Variants in ARIH1 observed in about 807,000 individuals in gnomAD.
ARIH1 encodes ariadne RBR E3 ubiquitin protein ligase 1, also known as E3 ubiquitin-protein ligase ARIH1.
ARIH1 carries 8 observed loss-of-function variants against 85.0 expected under a neutral mutation model. That is an observed-to-expected ratio of 0.09 (90% CI 0.06 to 0.17). The LOEUF (loss-of-function observed/expected upper bound fraction) is 0.17, where lower values mean the gene tolerates loss of function less well. Among genes scored for constraint, ARIH1 ranks in the 10% least tolerant of loss-of-function variants. The probability of loss-of-function intolerance (pLI) is 1.00; values close to 1 mark genes in which losing one functional copy is unlikely to be tolerated. For synonymous variants in ARIH1, 238 were observed against 253.6 expected, an observed-to-expected ratio of 0.94 and a Z score of 0.59; for missense variants, 311 against 718.1, an observed-to-expected ratio of 0.43 and a Z score of 6.48.
At chr15:72,498,282 C>T (rs1284214760) in intron 1 of ARIH1, among the ~76,000 whole-genome samples, 1 of 152,108 alleles carries the variant, frequency 6.6e-6, no homozygotes, top group Non-Finnish European at 1.5e-5. Context: ...TTTGTGCTTT[C>T]TCACTTCTGC....
intron 2 of ARIH1, among the ~76,000 whole-genome samples, chr15:72,532,842 A>C (rs2064063722): frequency 6.6e-6 from 1 of 152,266 alleles, no homozygotes; most frequent in Non-Finnish European, 1.5e-5. Context: ...AATTGATGAG[A>C]AAAACATTTC....
chr15:72,554,793 G>C (rs777661535), intron 3 of ARIH1, among the ~76,000 whole-genome samples: 2 of 152,030 alleles, frequency 1.3e-5, no homozygotes, highest in Admixed American at 1.3e-4. Context: ...TCACTCCTTT[G>C]CCCAGGCTGG....
chr15:72,567,684 C>T (rs2064227077), intron 9 of ARIH1, among the ~76,000 whole-genome samples: 1 of 152,160 alleles, frequency 6.6e-6, no homozygotes, highest in South Asian at 2.1e-4. Context: ...CCCTTCTCCT[C>T]GATCACTAAT....
intron 7 of ARIH1, among the ~76,000 whole-genome samples, chr15:72,564,092 A>G (rs2064208841): frequency 6.6e-6 from 1 of 152,200 alleles, no homozygotes; most frequent in African/African-American, 2.4e-5. Context: ...GGATAGGCTG[A>G]AAATTTTTCA....
chr15:72,571,324 A>G (rs980952766), intron 10 of ARIH1, among the ~76,000 whole-genome samples: 3 of 152,156 alleles, frequency 2.0e-5, no homozygotes. Context: ...GAAGAAAATA[A>G]TGCATATTTC....
At chr15:72,542,753 A>G (rs548118578) in intron 2 of ARIH1, among the ~76,000 whole-genome samples, 32 of 152,292 alleles carry the variant, frequency 2.1e-4, no homozygotes, top group Admixed American at 5.2e-4. Context: ...TGTTAACCAA[A>G]GTATGAGAGT....
chr15:72,498,961 ATTTTTTTTTTTTTTTTTTTTTT>A (rs535261674), intron 1 of ARIH1, among the ~76,000 whole-genome samples: 1 of 88,452 alleles, frequency 1.1e-5, no homozygotes, highest in African/African-American at 4.7e-5. Flanking sequence ...CTTTTCATAA[ATTTTTTTTTTTTTTTTTTTTTT>A]TTTTTTTTTT....
chr15:72,587,640 C>T lies in ARIH1; in HGVS notation c.*4348C>T, dbSNP rs1240305900. On this transcript the variant is annotated 3_prime_UTR_variant, in exon 14 of 14. Transcript: ENST00000379887. ...TGAGTTTTATGAGAAAATTTTGGCT[C>T]CTTCAGAAACAGGAAGATAAGTGGG... 1 of 153,660 alleles carries T rather than the reference C, an allele frequency of 6.5e-6. No individual in the cohort carries two copies. The highest frequency in any genetic ancestry group is 1.4e-5 in the Non-Finnish European group (1 of 69,154). 9.5% of individuals were successfully genotyped at this position (153,660 alleles called of 1,614,324 possible). A position where few individuals can be genotyped will look rare whatever the true frequency, so the allele number is the denominator to read the frequency against.
intron 2 of ARIH1, 52 bp from the exon 3 acceptor site, chr15:72,544,768 C>G (rs1460584919): frequency 6.5e-7 from 1 of 1,542,884 alleles, no homozygotes; most frequent in Non-Finnish European, 8.8e-7. Flanking sequence ...TTGGAGAGCT[C>G]TAACAGTGTG....
intron 1 of ARIH1, among the ~76,000 whole-genome samples, chr15:72,491,082 C>T (rs2063857292): frequency 6.6e-6 from 1 of 152,152 alleles, no homozygotes; most frequent in South Asian, 2.1e-4. Context: ...TGCCACTGCA[C>T]TCCAGGCTGG....
At chr15:72,551,972 A>G (rs1046841856) in intron 3 of ARIH1, among the ~76,000 whole-genome samples, 3 of 152,356 alleles carry the variant, frequency 2.0e-5, no homozygotes, top group African/African-American at 7.2e-5. Context: ...GAGTTGGATC[A>G]TATACTACAT....
chr15:72,510,171 T>G (rs1016431831), intron 1 of ARIH1, among the ~76,000 whole-genome samples: 2 of 152,206 alleles, frequency 1.3e-5, no homozygotes, highest in African/African-American at 4.8e-5. Flanking sequence ...CTTGTTAGGT[T>G]TTTAGATTTT....
intron 1 of ARIH1, among the ~76,000 whole-genome samples, chr15:72,506,001 T>G (rs2063922920): frequency 6.6e-6 from 1 of 152,078 alleles, no homozygotes; most frequent in South Asian, 2.1e-4. Context: ...TCCAAAGTAC[T>G]GGGATTACAG....
Position 72,474,871 on chromosome 15 carries a change from G to A in ARIH1, c.232G>A (p.Gly78Ser), listed in dbSNP as rs755947974. Residue 78 changes from glycine to serine, a missense_variant, in exon 1 of 14, where the codon GGT becomes AGT. By Grantham distance (56) the Gly-to-Ser change is moderately conservative. This residue lies in a region of ARIH1 where 157 missense variants were observed against 185.1 expected (regional missense o/e 0.85). Transcript: ENST00000379887. ...CGGCGGCAGCGCTCTGGGGCCCGGC[G>A]GTGGCGGCGGCGGCGGCGGCGGCGG... is the stretch of plus-strand genomic sequence containing the variant. ...GGGGSALGPG[G>S]GGGGGGGGGG... 4 of 1,422,520 alleles carry A rather than the reference G, an allele frequency of 2.8e-6. No individual in the cohort carries two copies. The highest frequency in any genetic ancestry group is 1.9e-4 in the Middle Eastern group (1 of 5,352). 88.1% of individuals were successfully genotyped at this position (1,422,520 alleles called of 1,614,324 possible).
chr15:72,484,694 C>T lies in ARIH1; in HGVS notation c.375+9680C>T, dbSNP rs572826025. On this transcript the variant is annotated intron_variant, in intron 1 of 13. Transcript: ENST00000379887. Reference sequence around the variant, plus strand: ...ATACATATATATACGTATATGTATGCGTGTGTATACGTATATACGTATATG... The same window carrying T: ...ATACATATATATACGTATATGTATGTGTGTGTATACGTATATACGTATATG... Among the ~76,000 whole-genome samples the T allele has an allele frequency of 1.1e-3, 167 of 147,378 alleles. No homozygotes were observed. In the Middle Eastern group the frequency reaches 0.015, roughly 13 times the overall value.
Position 72,584,392 on chromosome 15 carries a change from G to A in ARIH1, c.*1100G>A, listed in dbSNP as rs1220346470. The A allele has an allele frequency of 6.6e-6, 1 of 152,190 alleles. No individual in the cohort carries two copies. Among genetic ancestry groups the A allele is most frequent in the African/African-American group, 2.4e-5 (1 of 41,436 alleles). The allele number at this position is 152,190 out of a possible 1,614,324, so 9.4% of individuals were successfully genotyped here. A position where few individuals can be genotyped will look rare whatever the true frequency, so the allele number is the denominator to read the frequency against. ...AGCTGTAGGCATTCTTAAGTCCCCT[G>A]TCGCATCCAGTGGAAGCATTTTAAA... On this transcript the variant is annotated 3_prime_UTR_variant, in exon 14 of 14. Transcript: ENST00000379887.
intron 2 of ARIH1, among the ~76,000 whole-genome samples, chr15:72,542,560 A>T (rs2064112156): frequency 6.6e-6 from 1 of 152,240 alleles, no homozygotes; most frequent in Non-Finnish European, 1.5e-5. Context: ...TGGATATATT[A>T]TAGTAAATAA....
intron 7 of ARIH1, among the ~76,000 whole-genome samples, chr15:72,566,076 G>C (rs1259001004): frequency 6.6e-6 from 1 of 152,176 alleles, no homozygotes; most frequent in Non-Finnish European, 1.5e-5. Flanking sequence ...ACCTTGCCCA[G>C]TACCATTTCC....
At chr15:72,533,617 A>G (rs2064067916) in intron 2 of ARIH1, among the ~76,000 whole-genome samples, 1 of 152,196 alleles carries the variant, frequency 6.6e-6, no homozygotes, top group Non-Finnish European at 1.5e-5. Context: ...ATACGTGCAC[A>G]TCTACATTGA....
Sources: allele counts gnomAD v4.1 joint callset (sites outside exome capture counted in the v4.1 genomes callset), GRCh38; gene constraint gnomAD v4.1.1; regional missense constraint gnomAD v4.1.1; transcripts MANE v1.5; gene names NCBI Gene and HGNC (gene_info 2026-07-23, HGNC 2026-07-21).